The following CAMTA1 variants were observed in gnomAD, a reference collection of about 807,000 sequenced individuals.
CAMTA1 encodes calmodulin-binding transcription activator 1.
Under a neutral mutation model 170.9 loss-of-function variants are expected in CAMTA1, and 27 were observed. That is an observed-to-expected ratio of 0.16 (90% CI 0.12 to 0.22). The LOEUF is 0.22. Ranked by LOEUF, CAMTA1 falls within the 10% of genes least tolerant of loss-of-function variation. The pLI, the probability that CAMTA1 is intolerant of heterozygous loss-of-function variation, is 1.00. For synonymous variants in CAMTA1, 833 were observed against 891.5 expected (o/e 0.93, Z 1.17); for missense variants, 1,619 against 2,217.2 (o/e 0.73, Z 5.42).
intron 4 of CAMTA1, among the ~76,000 whole-genome samples, chr1:7,096,892 C>T (rs967792188): frequency 2.0e-5 from 3 of 152,174 alleles, no homozygotes; most frequent in Non-Finnish European, 2.9e-5. Context: ...CCAGTGATGT[C>T]GTTAAGGCCA....
At chr1:6,839,834 T>C (rs1654932226) in intron 3 of CAMTA1, among the ~76,000 whole-genome samples, 2 of 151,914 alleles carry the variant, frequency 1.3e-5, no homozygotes, top group South Asian at 4.2e-4. Flanking sequence ...ATTGGAACAG[T>C]GTGGGGATCT....
intron 3 of CAMTA1, among the ~76,000 whole-genome samples, chr1:6,840,462 AG>A (rs756082292): frequency 7.1e-4 from 108 of 152,162 alleles, no homozygotes; most frequent in Middle Eastern, 3.4e-3. Context: ...GATTGGATGT[AG>A]GGGGTAAAGG....
chr1:7,505,866 C>T (rs2462927), intron 6 of CAMTA1, among the ~76,000 whole-genome samples: 43,265 of 152,028 alleles, frequency 0.28, 6,444 homozygotes, highest in Middle Eastern at 0.47. Context: ...GAGGTCCCAG[C>T]GGGCACAGCT....
intron 4 of CAMTA1, among the ~76,000 whole-genome samples, chr1:7,221,906 TACACACACACACACACACACATAC>T (rs1481237627): frequency 3.4e-5 from 5 of 147,552 alleles, no homozygotes; most frequent in Non-Finnish European, 6.0e-5. Flanking sequence ...AGCTGGTGCA[TACACACACACACACACACACATAC>T]ACACACACAC....
chr1:7,510,272 G>A (rs564246442), intron 6 of CAMTA1, among the ~76,000 whole-genome samples: 2 of 144,174 alleles, frequency 1.4e-5, no homozygotes, highest in South Asian at 4.7e-4. Context: ...CAAATGCCTG[G>A]GCCCCACCCC....
At chr1:7,118,274 G>A in intron 4 of CAMTA1, among the ~76,000 whole-genome samples, 1 of 150,096 alleles carries the variant, frequency 6.7e-6, no homozygotes. Flanking sequence ...GAGTGGGACT[G>A]CAGATTCTTG....
chr1:6,997,044 G>A (rs999014032), intron 3 of CAMTA1, among the ~76,000 whole-genome samples: 7 of 152,088 alleles, frequency 4.6e-5, no homozygotes, highest in Non-Finnish European at 7.4e-5. Flanking sequence ...CCTTTTGTTG[G>A]TAATTGTAAG....
intron 6 of CAMTA1, among the ~76,000 whole-genome samples, chr1:7,597,354 A>G (rs908683700): frequency 6.6e-6 from 1 of 152,190 alleles, no homozygotes; most frequent in Non-Finnish European, 1.5e-5. Context: ...TGAAGCCTTG[A>G]TAAGTAGCGG....
At chr1:6,858,491 G>GC (rs200001079) in intron 3 of CAMTA1, among the ~76,000 whole-genome samples, 1 of 146,212 alleles carries the variant, frequency 6.8e-6, no homozygotes, top group Non-Finnish European at 1.5e-5. Context: ...TGTGTTGGGG[G>GC]GGGGGTGTTG....
chr1:7,301,127 C>T (rs890248884), intron 5 of CAMTA1, among the ~76,000 whole-genome samples: 24 of 152,276 alleles, frequency 1.6e-4, no homozygotes, highest in African/African-American at 5.3e-4. Context: ...GAGCCACAGC[C>T]AGCAGGGGCC....
At chr1:6,914,257 A>G (rs1680319894) in intron 3 of CAMTA1, among the ~76,000 whole-genome samples, 1 of 151,898 alleles carries the variant, frequency 6.6e-6, no homozygotes, top group African/African-American at 2.4e-5. Flanking sequence ...GATGCCTGAC[A>G]CCAAGCCCTG....
intron 6 of CAMTA1, among the ~76,000 whole-genome samples, chr1:7,518,549 G>C (rs1466619363): frequency 6.6e-6 from 1 of 152,006 alleles, no homozygotes; most frequent in African/African-American, 2.4e-5. Context: ...CCGATGAACA[G>C]AGCGTGTTGT....
chr1:6,788,072 G>A (rs1444761736), intron 1 of CAMTA1, among the ~76,000 whole-genome samples: 1 of 152,154 alleles, frequency 6.6e-6, no homozygotes, highest in East Asian at 1.9e-4. Flanking sequence ...AGAGGATGGG[G>A]AACGTTATTC....
chr1:7,521,823 AGG>A (rs2094369389), intron 6 of CAMTA1, among the ~76,000 whole-genome samples: 1 of 152,218 alleles, frequency 6.6e-6, no homozygotes, highest in Non-Finnish European at 1.5e-5. Flanking sequence ...CTGGGATTAC[AGG>A]CGTGAGCCAC....
At chr1:6,919,603 C>T (rs901419398) in intron 3 of CAMTA1, among the ~76,000 whole-genome samples, 5 of 152,102 alleles carry the variant, frequency 3.3e-5, no homozygotes, top group South Asian at 2.1e-4. Flanking sequence ...AATTTCAGAA[C>T]GCTGGTGGGT....
At chr1:7,386,030 C>T (rs1033051390) in intron 5 of CAMTA1, among the ~76,000 whole-genome samples, 1 of 152,188 alleles carries the variant, frequency 6.6e-6, no homozygotes, top group Non-Finnish European at 1.5e-5. Context: ...CCTCCAGGCT[C>T]CTCCGCTCCC....
At chr1:6,849,625 A>G (rs1386241901) in intron 3 of CAMTA1, among the ~76,000 whole-genome samples, 1 of 149,412 alleles carries the variant, frequency 6.7e-6, no homozygotes, top group African/African-American at 2.5e-5. Flanking sequence ...AGTGTTAAGG[A>G]AAAAAAAAAT....
chr1:7,118,070 CAT>C (rs1491136097), intron 4 of CAMTA1, among the ~76,000 whole-genome samples: 1 of 152,166 alleles, frequency 6.6e-6, no homozygotes, highest in Non-Finnish European at 1.5e-5. Context: ...CAGGCTGACT[CAT>C]GTGGGCGGTT....
chr1:7,731,914 A>G (rs1558242816), intron 11 of CAMTA1, among the ~76,000 whole-genome samples: 1 of 152,208 alleles, frequency 6.6e-6, no homozygotes, highest in African/African-American at 2.4e-5. Context: ...GAATGATGCT[A>G]TTCCTGAAAT....
Sources: allele counts gnomAD v4.1 joint callset (sites outside exome capture counted in the v4.1 genomes callset), GRCh38; gene constraint gnomAD v4.1.1; transcripts MANE v1.5; gene names NCBI Gene and HGNC (gene_info 2026-07-23, HGNC 2026-07-21).